Variants in NBAS observed in about 807,000 individuals in gnomAD.
NBAS encodes the protein NBAS subunit of NRZ tethering complex.
A neutral mutation model predicts 302.5 loss-of-function variants in NBAS; 219 were observed. The observed-to-expected ratio is 0.72, with a 90% confidence interval of 0.65 to 0.81. The LOEUF is 0.81. NBAS is among the 30% of genes least tolerant of loss of function. NBAS has a pLI of 0.00. For synonymous variants in NBAS, 1,118 were observed against 1,021.6 expected, an observed-to-expected ratio of 1.09 and a Z score of -1.80; for missense variants, 2,932 against 2,841.6, an observed-to-expected ratio of 1.03 and a Z score of -0.72.
At chr2:15,201,287 C>A (rs1161554670) in intron 48 of NBAS, among the ~76,000 whole-genome samples, 1 of 152,174 alleles carries the variant, frequency 6.6e-6, no homozygotes, top group Non-Finnish European at 1.5e-5. Flanking sequence ...ACAGAATGAA[C>A]AAAAATCCTC....
intron 11 of NBAS, among the ~76,000 whole-genome samples, chr2:15,496,991 A>G (rs543653855): frequency 6.6e-6 from 1 of 152,220 alleles, no homozygotes; most frequent in Admixed American, 6.5e-5. Flanking sequence ...ATGCCCAAAG[A>G]TGAGAAAAAA....
At chr2:15,339,940 A>G (rs1215768256) in intron 35 of NBAS, among the ~76,000 whole-genome samples, 1 of 152,014 alleles carries the variant, frequency 6.6e-6, no homozygotes, top group Admixed American at 6.6e-5. Context: ...AAAAAAAGCC[A>G]ATATGACTAG....
the NBAS span, among the ~76,000 whole-genome samples, chr2:14,998,473 C>CA: frequency 6.6e-6 from 1 of 152,122 alleles, no homozygotes; most frequent in Non-Finnish European, 1.5e-5. Context: ...CTCAGGGTGT[C>CA]CTTGGGTGAG....
chr2:14,907,386 A>G, the NBAS span, among the ~76,000 whole-genome samples: 1 of 152,268 alleles, frequency 6.6e-6, no homozygotes, highest in East Asian at 1.9e-4. Flanking sequence ...AGGGCAAAAC[A>G]GCACAGGGCT....
intron 33 of NBAS, 84 bp downstream of exon 33, chr2:15,356,219 T>C: frequency 8.6e-7 from 1 of 1,156,862 alleles, no homozygotes; most frequent in Non-Finnish European, 1.3e-6. Context: ...ACCAATCAGG[T>C]CAATTGATTT....
intron 48 of NBAS, among the ~76,000 whole-genome samples, chr2:15,192,538 G>A (rs984526569): frequency 3.3e-5 from 5 of 152,044 alleles, no homozygotes; most frequent in Non-Finnish European, 5.9e-5. Context: ...GACAAAAGAC[G>A]GCAGGTTTGC....
chr2:15,234,615 C>T lies in NBAS; in HGVS notation c.6076G>A (p.Val2026Ile), dbSNP rs1221014856. ...TTGGGTGAGATGTCAAGAGGGCCAA[C>T]TGCCACCTCTAGCAGCTGCTGAATC... The part of the protein sequence containing the change: ...AMIQQLLEVA[V>I]GPLDISPKDI... Residue 2026 changes from valine (V) to isoleucine (I), a missense_variant, in exon 46 of 52, where the codon GTT becomes ATT. Coordinates refer to ENST00000281513, the MANE Select transcript of NBAS (RefSeq NM_015909.4). 5 of 1,614,176 alleles carry T rather than the reference C, an allele frequency of 3.1e-6. No homozygotes were observed. The Admixed American group carries it at 6.7e-5, about 22-fold the overall frequency.
At chr2:14,954,789 G>A in the NBAS span, among the ~76,000 whole-genome samples, 1 of 152,100 alleles carries the variant, frequency 6.6e-6, no homozygotes. Context: ...GGGGAAAACT[G>A]CCCCCATGAT....
chr2:14,910,928 ACCCG>A, the NBAS span, among the ~76,000 whole-genome samples: 1 of 152,228 alleles, frequency 6.6e-6, no homozygotes, highest in Non-Finnish European at 1.5e-5. Context: ...TTGGTAATTT[ACCCG>A]CACAGCAGGA....
chr2:14,993,133 G>T, the NBAS span, among the ~76,000 whole-genome samples: 1 of 152,118 alleles, frequency 6.6e-6, no homozygotes, highest in Non-Finnish European at 1.5e-5. Flanking sequence ...AACTTATCCT[G>T]TAGGGCACAT....
At chr2:14,836,769 A>G in the NBAS span, among the ~76,000 whole-genome samples, 12 of 151,870 alleles carry the variant, frequency 7.9e-5, no homozygotes, top group Non-Finnish European at 5.9e-5. Flanking sequence ...ATGTAGATAC[A>G]TTTAGGAAGA....
the NBAS span, among the ~76,000 whole-genome samples, chr2:14,787,308 T>C: frequency 6.6e-6 from 1 of 152,198 alleles, no homozygotes; most frequent in African/African-American, 2.4e-5. Flanking sequence ...ATTGGAGCAT[T>C]TAGTCCATTT....
chr2:15,258,166 C>A (rs569868811), intron 44 of NBAS, among the ~76,000 whole-genome samples: 130 of 152,244 alleles, frequency 8.5e-4, no homozygotes, highest in African/African-American at 3.0e-3. Context: ...CTCATAATTT[C>A]TTATGCCTGT....
chr2:15,037,137 T>C, the NBAS span, among the ~76,000 whole-genome samples: 1 of 152,088 alleles, frequency 6.6e-6, no homozygotes, highest in Non-Finnish European at 1.5e-5. Context: ...ACTTCGTACT[T>C]TGTCTTCTCT....
At chr2:15,326,309 A>G (rs1385274359) in intron 38 of NBAS, among the ~76,000 whole-genome samples, 1 of 152,266 alleles carries the variant, frequency 6.6e-6, no homozygotes, top group Non-Finnish European at 1.5e-5. Flanking sequence ...GCAAAGTGCA[A>G]TACAGCACAG....
At chr2:15,177,804 G>A (rs1664622139) in intron 51 of NBAS, 2 of 172,910 alleles carry the variant, frequency 1.2e-5, no homozygotes, top group African/African-American at 4.8e-5. Flanking sequence ...CTACGGAAAG[G>A]CAAGTCCCCT....
intron 21 of NBAS, among the ~76,000 whole-genome samples, chr2:15,456,130 T>A (rs1679238929): frequency 1.3e-5 from 2 of 152,192 alleles, no homozygotes; most frequent in African/African-American, 4.8e-5. Flanking sequence ...GCAAATGTAA[T>A]TTCAAAGCTT....
chr2:15,190,502 GT>G, intron 48 of NBAS, 99 bp from the exon 49 acceptor site: 2 of 1,376,364 alleles, frequency 1.5e-6, no homozygotes, highest in Non-Finnish European at 2.0e-6. Flanking sequence ...TTTTTAAAAT[GT>G]TTTACAATGT....
intron 44 of NBAS, among the ~76,000 whole-genome samples, chr2:15,246,941 T>C (rs1015026782): frequency 2.6e-5 from 4 of 152,088 alleles, no homozygotes; most frequent in African/African-American, 9.7e-5. Flanking sequence ...CAAGGTGCCA[T>C]GGAAGCCCTC....
Sources: gnomAD v4.1 joint callset for allele counts (sites outside exome capture counted in the v4.1 genomes callset) on GRCh38, gnomAD v4.1.1 for gene constraint, MANE v1.5 for transcripts, NCBI Gene and HGNC (gene_info 2026-07-23, HGNC 2026-07-21) for gene names.